PCDH15: variants seen among roughly 807,000 people sequenced by gnomAD.
The protein encoded by PCDH15 is protocadherin related 15.
Under a neutral mutation model 178.5 loss-of-function variants are expected in PCDH15, and 129 were observed. The ratio of observed to expected loss-of-function variants is 0.72; its 90% CI spans 0.63 to 0.84. The LOEUF (loss-of-function observed/expected upper bound fraction) is 0.84, where lower values mean the gene tolerates loss of function less well. PCDH15 is among the 40% of genes least tolerant of loss of function. The probability of loss-of-function intolerance (pLI) is 0.00; values close to 1 mark genes in which losing one functional copy is unlikely to be tolerated. For missense variants in PCDH15, 2,230 were observed against 2,099.9 expected (o/e 1.06, Z -1.21); for synonymous variants, 800 against 732.0 (o/e 1.09, Z -1.50).
rs149322479 is a variant in PCDH15 at position 54,074,684 on chromosome 10, C to T, written c.2091+4647G>A. 9.1e-3 allele frequency among the ~76,000 whole-genome samples: 1,378 copies of T among 152,244 alleles called. 15 individuals are homozygous for T. Among genetic ancestry groups the T allele is most frequent in the African/African-American group, 0.032 (1,311 of 41,544 alleles). On this transcript the variant is annotated intron_variant, in intron 17 of 37. Transcript: ENST00000644397. Reference sequence around the variant, plus strand: ...GGAATACAAATATCTCTTGGAGACTCTGCTTTCAATTTTTTTGATATATAA... The same window carrying T: ...GGAATACAAATATCTCTTGGAGACTTTGCTTTCAATTTTTTTGATATATAA...
chr10:54,123,947 T>C (rs1290901730), intron 15 of PCDH15, among the ~76,000 whole-genome samples: 1 of 152,094 alleles, frequency 6.6e-6, no homozygotes, highest in Non-Finnish European at 1.5e-5. Flanking sequence ...GAGAACTAAA[T>C]GGTGCATACA....
At chr10:53,972,392 A>T (rs2089791737) in intron 21 of PCDH15, among the ~76,000 whole-genome samples, 2 of 152,198 alleles carry the variant, frequency 1.3e-5, no homozygotes, top group Non-Finnish European at 2.9e-5. Context: ...AGGCTTCATG[A>T]CTAAAACACC....
chr10:54,879,604 T>A (rs74138812), intron 3 of PCDH15, among the ~76,000 whole-genome samples: 1 of 151,642 alleles, frequency 6.6e-6, no homozygotes, highest in Non-Finnish European at 1.5e-5. Flanking sequence ...TAATATAAAA[T>A]GATAATAAAA....
At chr10:54,258,445 A>G (rs577128892) in intron 8 of PCDH15, among the ~76,000 whole-genome samples, 96 of 152,316 alleles carry the variant, frequency 6.3e-4, no homozygotes, top group African/African-American at 2.1e-3. Context: ...GCTGAAATGG[A>G]TCAAGTGATT....
At position 53,939,075 on chromosome 10, in the gene PCDH15, C is replaced by A; in HGVS notation, c.3233-120G>T. The A allele has an allele frequency of 2.1e-5, 20 of 955,710 alleles. No individual in the cohort carries two copies. In the South Asian group the frequency reaches 2.7e-4, roughly 13 times the overall value. 59.2% of individuals were successfully genotyped at this position (955,710 alleles called of 1,614,324 possible). A position where few individuals can be genotyped will look rare whatever the true frequency, so the allele number is the denominator to read the frequency against. On this transcript the variant is annotated intron_variant, in intron 24 of 37. Transcript: ENST00000644397. ...ATGCCTATTTATAACTAGAGTGATG[C>A]ATGAAAGTGACAAAATGCTGGCTTT...
chr10:55,493,251 A>G (rs1840460349), intron 2 of PCDH15, among the ~76,000 whole-genome samples: 1 of 151,200 alleles, frequency 6.6e-6, no homozygotes, highest in Non-Finnish European at 1.5e-5. Context: ...CTAAAGTCAT[A>G]TTGTTAAAAA....
chr10:54,942,043 G>A (rs912135910), intron 2 of PCDH15, among the ~76,000 whole-genome samples: 3 of 152,014 alleles, frequency 2.0e-5, no homozygotes, highest in African/African-American at 7.2e-5. Context: ...TCTGGGGCTG[G>A]AATATCTCCC....
intron 2 of PCDH15, among the ~76,000 whole-genome samples, chr10:55,555,782 AAATT>A (rs1159332421): frequency 6.6e-6 from 1 of 152,102 alleles, no homozygotes; most frequent in Non-Finnish European, 1.5e-5. Flanking sequence ...CATGCATAGA[AAATT>A]AATAAAAATA....
chr10:55,070,658 C>T (rs558345529), intron 2 of PCDH15, among the ~76,000 whole-genome samples: 1 of 152,210 alleles, frequency 6.6e-6, no homozygotes, highest in Non-Finnish European at 1.5e-5. Flanking sequence ...GTACCAGTAC[C>T]ATGCTGTTTT....
intron 1 of PCDH15, among the ~76,000 whole-genome samples, chr10:54,664,953 G>A (rs118041550): frequency 2.0e-5 from 3 of 150,938 alleles, no homozygotes; most frequent in Non-Finnish European, 4.4e-5. Flanking sequence ...TGAGAAATTA[G>A]TGGCCTGTGA....
At chr10:54,054,172 T>C (rs1032530464) in intron 18 of PCDH15, among the ~76,000 whole-genome samples, 3 of 152,162 alleles carry the variant, frequency 2.0e-5, no homozygotes, top group African/African-American at 7.2e-5. Context: ...TACAGATATA[T>C]GTCTATTTGA....
chr10:55,233,344 A>T (rs548824444), intron 1 of PCDH15, among the ~76,000 whole-genome samples: 1 of 152,134 alleles, frequency 6.6e-6, no homozygotes, highest in East Asian at 1.9e-4. Flanking sequence ...GTTTAACTGC[A>T]AAGTTATTTC....
chr10:54,759,819 C>T (rs55893194), intron 1 of PCDH15, among the ~76,000 whole-genome samples: 5,338 of 152,178 alleles, frequency 0.035, 333 homozygotes, highest in African/African-American at 0.12. Flanking sequence ...CGTTTGGGGG[C>T]TGAACTTTTT....
chr10:55,282,476 T>C (rs1842758410), intron 1 of PCDH15, among the ~76,000 whole-genome samples: 1 of 152,152 alleles, frequency 6.6e-6, no homozygotes, highest in African/African-American at 2.4e-5. Context: ...AATTTTACAT[T>C]AAGTTTTAAT....
At chr10:54,127,860 T>C (rs539069378) in intron 15 of PCDH15, among the ~76,000 whole-genome samples, 2 of 152,342 alleles carry the variant, frequency 1.3e-5, no homozygotes, top group East Asian at 3.9e-4. Flanking sequence ...TCAATTTATG[T>C]CTATAATTGT....
intron 8 of PCDH15, among the ~76,000 whole-genome samples, chr10:54,315,970 T>A (rs1354284521): frequency 1.0e-5 from 1 of 98,924 alleles, no homozygotes; most frequent in Non-Finnish European, 2.3e-5. Flanking sequence ...TTTTGTTTTT[T>A]GGGTTTTGTT....
At chr10:54,379,448 A>C (rs1034810609) in intron 3 of PCDH15, among the ~76,000 whole-genome samples, 1 of 152,136 alleles carries the variant, frequency 6.6e-6, no homozygotes, top group Non-Finnish European at 1.5e-5. Flanking sequence ...CATAAAACAT[A>C]CATCTTGACA....
intron 1 of PCDH15, among the ~76,000 whole-genome samples, chr10:55,293,693 A>T (rs1010278548): frequency 6.6e-6 from 1 of 152,166 alleles, no homozygotes; most frequent in East Asian, 1.9e-4. Context: ...CTAAAACATA[A>T]CAAGAGTTAC....
chr10:54,115,264 A>G (rs1301723122), intron 15 of PCDH15, among the ~76,000 whole-genome samples: 3 of 152,188 alleles, frequency 2.0e-5, no homozygotes, highest in African/African-American at 7.2e-5. Flanking sequence ...TTGGAAGGAT[A>G]AAGTTGCCAT....
Sources: allele counts gnomAD v4.1 joint callset (sites outside exome capture counted in the v4.1 genomes callset), GRCh38; gene constraint gnomAD v4.1.1; transcripts MANE v1.5; gene names NCBI Gene and HGNC (gene_info 2026-07-23, HGNC 2026-07-21).